BBS1: variants seen among roughly 807,000 people sequenced by gnomAD.
BBS1 encodes the protein Bardet-Biedl syndrome 1.
In BBS1, 60 loss-of-function variants were observed where a neutral mutation model predicts 73.9. That is an observed-to-expected ratio of 0.81 (90% CI 0.66 to 1.01). The LOEUF (loss-of-function observed/expected upper bound fraction) is 1.01, where lower values mean the gene tolerates loss of function less well. Ranked by LOEUF, BBS1 falls within the 50% of genes least tolerant of loss-of-function variation. The pLI, the probability that BBS1 is intolerant of heterozygous loss-of-function variation, is 0.00. For synonymous variants in BBS1, 283 were observed against 317.4 expected (o/e 0.89, Z 1.15); for missense variants, 718 against 770.3 (o/e 0.93, Z 0.80).
chr11:66,528,686 C>T (rs1450205585), intron 13 of BBS1, among the ~76,000 whole-genome samples: 1 of 151,980 alleles, frequency 6.6e-6, no homozygotes, highest in Non-Finnish European at 1.5e-5. Context: ...TAGACCTTTT[C>T]GGCCAGGTGC....
At position 66,521,268 on chromosome 11, in the gene BBS1, A is replaced by G. The variant is rs1464878797; in HGVS notation, c.724-2A>G. The G allele has an allele frequency of 7.4e-6, 12 of 1,613,504 alleles. No homozygotes were observed. Among genetic ancestry groups the G allele is most frequent in the Non-Finnish European group, 1.0e-5 (12 of 1,179,428 alleles). On this transcript the variant is annotated splice_acceptor_variant, in intron 8 of 16. Coordinates refer to ENST00000318312, the MANE Select transcript of BBS1 (RefSeq NM_024649.5). LOFTEE classifies it high-confidence loss of function. The stretch of plus-strand genomic sequence containing the variant: ...TGGAGTGTTTGCGCTTCTTGTTTGC[A>G]GATGAGCCTTCCCAGCGTCCCCGTC...
intron 12 of BBS1, 104 bp downstream of exon 12, chr11:66,526,296 G>A: frequency 1.6e-6 from 2 of 1,220,730 alleles, no homozygotes; most frequent in Non-Finnish European, 1.2e-6. Flanking sequence ...GGGTGGACCT[G>A]GGTGTGGAAA....
chr11:66,521,501 A>G, intron 9 of BBS1, 125 bp downstream of exon 9: 1 of 784,558 alleles, frequency 1.3e-6, no homozygotes, highest in Non-Finnish European at 2.2e-6. Flanking sequence ...TGAGAACTTC[A>G]TAAAGGAGGC....
At chr11:66,514,317 A>G in intron 3 of BBS1, 89 bp from the exon 4 acceptor site, 5 of 1,524,840 alleles carry the variant, frequency 3.3e-6, no homozygotes, top group Non-Finnish European at 9.0e-7. Context: ...GCAGGAATGA[A>G]TGAATGTGCA....
At chr11:66,528,721 C>T (rs1437217312) in intron 13 of BBS1, among the ~76,000 whole-genome samples, 1 of 152,036 alleles carries the variant, frequency 6.6e-6, no homozygotes. Context: ...GTAATCCCAG[C>T]ACTTTGGGAG....
chr11:66,529,145 C>G (rs1051161158), intron 13 of BBS1: 1 of 974,656 alleles, frequency 1.0e-6, no homozygotes, highest in Non-Finnish European at 1.2e-6. Flanking sequence ...GCGAAGCCAG[C>G]CTGGGGGACC....
intron 7 of BBS1, among the ~76,000 whole-genome samples, chr11:66,518,775 T>A (rs1856114403): frequency 1.3e-5 from 2 of 150,780 alleles, no homozygotes; most frequent in South Asian, 2.1e-4. Context: ...TTTTTTTTTT[T>A]AAGACAGGGT....
Position 66,532,244 on chromosome 11 carries a change from C to T in BBS1, c.*207C>T. On this transcript the variant is annotated 3_prime_UTR_variant, in exon 17 of 17. Coordinates refer to ENST00000318312, the MANE Select transcript of BBS1 (RefSeq NM_024649.5). ...TAGGGCGGCTCAACTCCTCCCACAG[C>T]ACCAACCCAGCATGGTCCCACTGAA... 2 of 599,000 alleles carry T rather than the reference C, an allele frequency of 3.3e-6. No homozygotes were observed. The highest frequency in any genetic ancestry group is 4.0e-5 in the South Asian group (2 of 50,546). The allele number at this position is 599,000 out of a possible 1,614,324, so 37.1% of individuals were successfully genotyped here. A position where few individuals can be genotyped will look rare whatever the true frequency, so the allele number is the denominator to read the frequency against.
At chr11:66,512,468 A>G (rs954907518) in intron 3 of BBS1, among the ~76,000 whole-genome samples, 1 of 152,210 alleles carries the variant, frequency 6.6e-6, no homozygotes, top group African/African-American at 2.4e-5. Context: ...ATTCCTATCC[A>G]TAATGTATTC....
intron 14 of BBS1, 82 bp from the exon 15 acceptor site, chr11:66,530,812 G>T: frequency 1.9e-6 from 3 of 1,586,378 alleles, no homozygotes; most frequent in Non-Finnish European, 2.6e-6. Context: ...GAGGGCATTG[G>T]TGGAAGGCAG....
intron 7 of BBS1, among the ~76,000 whole-genome samples, chr11:66,516,782 C>A (rs1308757563): frequency 6.6e-6 from 1 of 152,066 alleles, no homozygotes; most frequent in Non-Finnish European, 1.5e-5. Flanking sequence ...GTCTTGAACT[C>A]CTGAACTCAA....
intron 3 of BBS1, among the ~76,000 whole-genome samples, chr11:66,513,621 G>C (rs900492931): frequency 6.6e-6 from 1 of 152,156 alleles, no homozygotes; most frequent in South Asian, 2.1e-4. Flanking sequence ...TGAGGCTGCA[G>C]CGAGCCATGA....
chr11:66,519,794 A>C (rs1856146098), intron 8 of BBS1, 46 bp downstream of exon 8: 2 of 1,608,730 alleles, frequency 1.2e-6, no homozygotes, highest in Middle Eastern at 1.7e-4. Context: ...CCCAGGCTGC[A>C]TTCTCTCCCC....
chr11:66,510,879 G>A, intron 1 of BBS1, 134 bp from the exon 2 acceptor site: 1 of 1,367,960 alleles, frequency 7.3e-7, no homozygotes, highest in Non-Finnish European at 1.0e-6. Context: ...CGCTCGGTGA[G>A]CCAGTGGCGG....
intron 15 of BBS1, 79 bp from the exon 16 acceptor site, chr11:66,531,577 C>G: frequency 6.3e-7 from 1 of 1,583,070 alleles, no homozygotes; most frequent in Non-Finnish European, 8.7e-7. Flanking sequence ...TCAGTGGAGA[C>G]TGCGGGCCTG....
At position 66,510,647 on chromosome 11, in the gene BBS1, G is replaced by A. The variant is rs776510981; in HGVS notation, c.-13G>A. ...CGAGGGCGGGGCCGGTTGCCAGGAC[G>A]ACGCCTGCGAAGATGGCCGCTGCGT... On this transcript the variant is annotated 5_prime_UTR_variant, in exon 1 of 17. Coordinates refer to ENST00000318312, the MANE Select transcript of BBS1 (RefSeq NM_024649.5). 3.1e-6 allele frequency: 5 copies of A among 1,614,004 alleles called. No homozygotes were observed. The highest frequency in any genetic ancestry group is 1.3e-5 in the African/African-American group (1 of 74,948).
At chr11:66,523,199 GTGGGCGGAAGA>G (rs1293694603) in intron 9 of BBS1, 4 of 611,236 alleles carry the variant, frequency 6.5e-6, no homozygotes, top group Non-Finnish European at 1.2e-5. Context: ...CATAGTGAAG[GTGGGCGGAAGA>G]CAAGACACCA....
In BBS1 at chr11:66,532,401, ATCAC is replaced by A. The variant is rs1856825151; in HGVS notation, c.*368_*371del. ...CTCCACTGCCACGTCCCTCATGCAC[ATCAC>A]TCATCTCCTGCTGCAGGCCAAGGCC... On this transcript the variant is annotated 3_prime_UTR_variant, in exon 17 of 17. Transcript: ENST00000318312. 4.1e-6 allele frequency: 1 copy of A among 245,778 alleles called. No homozygotes were observed. The allele number at this position is 245,778 out of a possible 1,614,324, so 15.2% of individuals were successfully genotyped here.
intron 9 of BBS1, among the ~76,000 whole-genome samples, chr11:66,522,567 C>G (rs1279135185): frequency 6.6e-6 from 1 of 151,998 alleles, no homozygotes; most frequent in Non-Finnish European, 1.5e-5. Flanking sequence ...AGGCTGGTCT[C>G]GAACGCCTGA....
Sources: allele counts gnomAD v4.1 joint callset (sites outside exome capture counted in the v4.1 genomes callset), GRCh38; gene constraint gnomAD v4.1.1; transcripts MANE v1.5; gene names NCBI Gene and HGNC (gene_info 2026-07-23, HGNC 2026-07-21).